PURA: variants seen among roughly 807,000 people sequenced by gnomAD.
PURA encodes the protein transcriptional activator protein Pur-alpha.
A neutral mutation model predicts 23.1 loss-of-function variants in PURA; 2 were observed. That is an observed-to-expected ratio of 0.09 (90% CI 0.04 to 0.27). PURA has a LOEUF of 0.27. Among genes scored for constraint, PURA ranks in the 10% least tolerant of loss-of-function variants. The pLI is 1.00. For synonymous variants in PURA, 254 were observed against 205.9 expected (o/e 1.23, Z -2.00); for missense variants, 187 against 449.7 (o/e 0.42, Z 5.28).
Position 140,114,615 on chromosome 5 carries a change from G to C in PURA, c.434G>C (p.Ser145Thr). 4 of 1,608,450 alleles carry C rather than the reference G, an allele frequency of 2.5e-6. No homozygotes were observed. The highest frequency in any genetic ancestry group is 3.4e-6 in the Non-Finnish European group (4 of 1,178,690). The change falls in exon 1 of 1, where the codon AGC (serine) becomes ACC (threonine). Residue 145 changes from serine to threonine, a missense_variant. Around this residue, in one of 9 missense-constraint regions of PURA, gnomAD observed 26 missense variants for 29.1 expected, o/e 0.89. Transcript: ENST00000331327. ...GACGAGCCGCGCCGGGCGCTCAAAA[G>C]CGAGTTCCTGGTGCGCGAGAACCGC... ...AQDEPRRALKSEFLVRENRKY... is the reference protein window; with the variant it reads ...AQDEPRRALKTEFLVRENRKY...
In PURA at chr5:140,114,485, C is replaced by A; in HGVS notation, c.304C>A (p.Leu102Ile). The A allele has an allele frequency of 6.2e-7, 1 of 1,612,638 alleles. No individual in the cohort carries two copies. The highest frequency in any genetic ancestry group is 8.5e-7 in the Non-Finnish European group (1 of 1,179,620). The change falls in exon 1 of 1, where the codon CTC (leucine) becomes ATC (isoleucine). Residue 102 changes from leucine to isoleucine, a missense_variant. This residue lies in a region of PURA where 24 missense variants were observed against 75.2 expected (regional missense o/e 0.32). Coordinates refer to ENST00000331327, the MANE Select transcript of PURA (RefSeq NM_005859.5). ...GAGGNKSRLTLSMSVAVEFRD... is the reference protein window; with the variant it reads ...GAGGNKSRLTISMSVAVEFRD... ...GGGCGGCAACAAGAGCCGCCTTACT[C>A]TCTCCATGTCAGTGGCCGTGGAGTT...
In PURA at chr5:140,124,580, G is replaced by A. The variant is rs1763186044; in HGVS notation, c.*9430G>A. ...TTTAACTTCCATTGTTCAGATTTTAGGTTTATCTAGTGAAATTGTGCCAGG... is the reference window on the plus strand; with the variant it reads ...TTTAACTTCCATTGTTCAGATTTTAAGTTTATCTAGTGAAATTGTGCCAGG... On this transcript the variant is annotated 3_prime_UTR_variant, in exon 1 of 1. Coordinates refer to ENST00000331327, the MANE Select transcript of PURA (RefSeq NM_005859.5). The A allele has an allele frequency of 6.0e-6, 1 of 166,884 alleles. No homozygotes were observed. The highest frequency in any genetic ancestry group is 1.5e-5 in the Non-Finnish European group (1 of 68,072). The allele number at this position is 166,884 out of a possible 1,614,324, so 10.3% of individuals were successfully genotyped here.
rs1254177011 is a variant in PURA, at chr5:140,120,199, GAGAT to G, written c.*5050_*5053del. On this transcript the variant is annotated 3_prime_UTR_variant, in exon 1 of 1. Coordinates refer to ENST00000331327, the MANE Select transcript of PURA (RefSeq NM_005859.5). ...TTTGAATATCTTCATAATTTGGAGA[GAGAT>G]GTATACACACACATACACATATATA... 2 of 166,710 alleles carry G rather than the reference GAGAT, an allele frequency of 1.2e-5. No homozygotes were observed. The highest frequency in any genetic ancestry group is 6.6e-5 in the Admixed American group (1 of 15,230). The allele number at this position is 166,710 out of a possible 1,614,324, so 10.3% of individuals were successfully genotyped here. A position where few individuals can be genotyped will look rare whatever the true frequency, so the allele number is the denominator to read the frequency against.
In PURA at chr5:140,114,339, G is replaced by T. The variant is rs1384821157; in HGVS notation, c.158G>T (p.Gly53Val). ...SGGGGGGAPG[G>V]LQHETQELAS... ...GGCGGCGGCGGCGGGGCCCCAGGGG[G>T]GCTGCAGCACGAGACGCAGGAGCTG... Residue 53 changes from glycine (G) to valine (V), a missense_variant, in exon 1 of 1, where the codon GGG becomes GTG. Around this residue, in one of 9 missense-constraint regions of PURA, gnomAD observed 27 missense variants for 55.2 expected, o/e 0.49. Transcript: ENST00000331327. 2 of 1,521,878 alleles carry T rather than the reference G, an allele frequency of 1.3e-6. No homozygotes were observed. The highest frequency in any genetic ancestry group is 8.8e-7 in the Non-Finnish European group (1 of 1,140,350). The allele number at this position is 1,521,878 out of a possible 1,614,324, so 94.3% of individuals were successfully genotyped here. A position where few individuals can be genotyped will look rare whatever the true frequency, so the allele number is the denominator to read the frequency against.
Position 140,114,313 on chromosome 5 carries a change from C to T in PURA, c.132C>T (p.Gly44=), listed in dbSNP as rs1247614641. The part of the protein sequence containing the change: ...GGGGGGGGGS[G]GGGGGAPGGL... ...GCGGCGGGGGCGGCGGCGGCAGTGG[C>T]GGCGGCGGCGGCGGGGCCCCAGGGG... is the stretch of plus-strand genomic sequence containing the variant. The change falls in exon 1 of 1, where the codon GGC becomes GGT. Residue 44 remains glycine (G), a synonymous_variant. Transcript: ENST00000331327. 8.6e-6 allele frequency: 10 copies of T among 1,165,610 alleles called. No homozygotes were observed. Among genetic ancestry groups the T allele is most frequent in the African/African-American group, 3.2e-5 (2 of 61,670 alleles). 72.2% of individuals were successfully genotyped at this position (1,165,610 alleles called of 1,614,324 possible).
In PURA at chr5:140,122,565, A is replaced by G. The variant is rs1289413792; in HGVS notation, c.*7415A>G. On this transcript the variant is annotated 3_prime_UTR_variant, in exon 1 of 1. Coordinates refer to ENST00000331327, the MANE Select transcript of PURA (RefSeq NM_005859.5). ...CCTTGTAGACCTTATGAGGCCCTCA[A>G]TAATACTGTATTTCTAAAATTAGAC... 6.0e-6 allele frequency: 1 copy of G among 166,856 alleles called. No homozygotes were observed. The highest frequency in any genetic ancestry group is 1.5e-5 in the Non-Finnish European group (1 of 67,964). 10.3% of individuals were successfully genotyped at this position (166,856 alleles called of 1,614,324 possible).
In PURA at chr5:140,125,509, A is replaced by C. The variant is rs1183225605; in HGVS notation, c.*10359A>C. The C allele has an allele frequency of 6.0e-6, 1 of 167,040 alleles. No homozygotes were observed. The highest frequency in any genetic ancestry group is 1.5e-5 in the Non-Finnish European group (1 of 68,120). 10.3% of individuals were successfully genotyped at this position (167,040 alleles called of 1,614,324 possible). A position where few individuals can be genotyped will look rare whatever the true frequency, so the allele number is the denominator to read the frequency against. Reference sequence around the variant, plus strand: ...ACAATTTCTAGCAGGGTAGAGTTTGATAAACCACAATGCTCAGGATGCCAA... The same window carrying C: ...ACAATTTCTAGCAGGGTAGAGTTTGCTAAACCACAATGCTCAGGATGCCAA... On this transcript the variant is annotated 3_prime_UTR_variant, in exon 1 of 1. Transcript: ENST00000331327.
In PURA at chr5:140,114,911, A is replaced by G; in HGVS notation, c.730A>G (p.Met244Val). The change falls in exon 1 of 1, where the codon ATG becomes GTG. Residue 244 changes from methionine to valine, a missense_variant. Met to Val is a conservative substitution (Grantham distance 21, BLOSUM62 1). Around this residue, in one of 9 missense-constraint regions of PURA, gnomAD observed 65 missense variants for 158.6 expected, o/e 0.41. Coordinates refer to ENST00000331327, the MANE Select transcript of PURA (RefSeq NM_005859.5). ...GGGCTCCAACAAGTACGGCGTGTTTATGCGAGTGAGCGAGGTGAAGCCCAC... is the reference window on the plus strand; with the variant it reads ...GGGCTCCAACAAGTACGGCGTGTTTGTGCGAGTGAGCGAGGTGAAGCCCAC... ...DVGSNKYGVF[M>V]RVSEVKPTYR... The G allele has an allele frequency of 6.2e-7, 1 of 1,614,252 alleles. No individual in the cohort carries two copies. Among genetic ancestry groups the G allele is most frequent in the South Asian group, 1.1e-5 (1 of 91,088 alleles).
Position 140,120,609 on chromosome 5 carries a change from C to T in PURA, c.*5459C>T, listed in dbSNP as rs1763142097. ...GGCCATTTGACACGTCCTTTTTGAACAGAAATTTCATTACAGGCTAAGTGA... is the reference window on the plus strand; with the variant it reads ...GGCCATTTGACACGTCCTTTTTGAATAGAAATTTCATTACAGGCTAAGTGA... On this transcript the variant is annotated 3_prime_UTR_variant, in exon 1 of 1. Coordinates refer to ENST00000331327, the MANE Select transcript of PURA (RefSeq NM_005859.5). The T allele has an allele frequency of 6.1e-6, 1 of 164,478 alleles. No individual in the cohort carries two copies. The highest frequency in any genetic ancestry group is 1.5e-5 in the Non-Finnish European group (1 of 67,912). The allele number at this position is 164,478 out of a possible 1,614,324, so 10.2% of individuals were successfully genotyped here.
chr5:140,114,469 C>A lies in PURA; in HGVS notation c.288C>A (p.Asn96Lys). Reference protein sequence around the residue: ...LKIAEVGAGGNKSRLTLSMSV... With the variant: ...LKIAEVGAGGKKSRLTLSMSV... ...TCGCCGAGGTGGGCGCGGGCGGCAA[C>A]AAGAGCCGCCTTACTCTCTCCATGT... Residue 96 changes from asparagine (N) to lysine (K), a missense_variant, in exon 1 of 1, where the codon AAC becomes AAA. Physicochemically the swap from Asn to Lys is moderately conservative, Grantham distance 94. Around this residue, in one of 9 missense-constraint regions of PURA, gnomAD observed 24 missense variants for 75.2 expected, o/e 0.32. Coordinates refer to ENST00000331327, the MANE Select transcript of PURA (RefSeq NM_005859.5). 6.2e-7 allele frequency: 1 copy of A among 1,612,698 alleles called. No individual in the cohort carries two copies. Among genetic ancestry groups the A allele is most frequent in the Non-Finnish European group, 8.5e-7 (1 of 1,179,682 alleles).
In PURA at chr5:140,117,147, T is replaced by G. The variant is rs1458764890; in HGVS notation, c.*1997T>G. 1 of 167,060 alleles carries G rather than the reference T, an allele frequency of 6.0e-6. No individual in the cohort carries two copies. Among genetic ancestry groups the G allele is most frequent in the African/African-American group, 2.4e-5 (1 of 41,458 alleles). The allele number at this position is 167,060 out of a possible 1,614,324, so 10.3% of individuals were successfully genotyped here. ...TTCATTGTACTGTGCATTTTCCCAT[T>G]AAATTGTTTGCTTTTAATATTCAAT... On this transcript the variant is annotated 3_prime_UTR_variant, in exon 1 of 1. Transcript: ENST00000331327.
chr5:140,119,196 T>C lies in PURA; in HGVS notation c.*4046T>C, dbSNP rs774667704. The C allele has an allele frequency of 6.0e-6, 1 of 166,890 alleles. No individual in the cohort carries two copies. Among genetic ancestry groups the C allele is most frequent in the Non-Finnish European group, 1.5e-5 (1 of 67,994 alleles). 10.3% of individuals were successfully genotyped at this position (166,890 alleles called of 1,614,324 possible). ...TAAAAATGGTGAATATTATTAATAT[T>C]GTATAATAGGAGTGGGAAGACTGCC... On this transcript the variant is annotated 3_prime_UTR_variant, in exon 1 of 1. Coordinates refer to ENST00000331327, the MANE Select transcript of PURA (RefSeq NM_005859.5).
chr5:140,119,186 T>C lies in PURA; in HGVS notation c.*4036T>C, dbSNP rs1048910198. ...CTACCTATTCTAAAAATGGTGAATA[T>C]TATTAATATTGTATAATAGGAGTGG... On this transcript the variant is annotated 3_prime_UTR_variant, in exon 1 of 1. Coordinates refer to ENST00000331327, the MANE Select transcript of PURA (RefSeq NM_005859.5). 2 of 166,912 alleles carry C rather than the reference T, an allele frequency of 1.2e-5. No individual in the cohort carries two copies. Among genetic ancestry groups the C allele is most frequent in the African/African-American group, 4.8e-5 (2 of 41,440 alleles). 10.3% of individuals were successfully genotyped at this position (166,912 alleles called of 1,614,324 possible).
chr5:140,125,600 G>T lies in PURA; in HGVS notation c.*10450G>T, dbSNP rs1763203594. ...TTTAGTTTTGTCTGTTGGGAAACAA[G>T]ATGTCACTAGGGAAAAAAAGATTTG... is the stretch of plus-strand genomic sequence containing the variant. On this transcript the variant is annotated 3_prime_UTR_variant, in exon 1 of 1. Transcript: ENST00000331327. 6.0e-6 allele frequency: 1 copy of T among 166,994 alleles called. No individual in the cohort carries two copies. Among genetic ancestry groups the T allele is most frequent in the Admixed American group, 6.6e-5 (1 of 15,262 alleles). 10.3% of individuals were successfully genotyped at this position (166,994 alleles called of 1,614,324 possible). A position where few individuals can be genotyped will look rare whatever the true frequency, so the allele number is the denominator to read the frequency against.
chr5:140,117,050 T>C lies in PURA; in HGVS notation c.*1900T>C, dbSNP rs1012253181. 3 of 167,008 alleles carry C rather than the reference T, an allele frequency of 1.8e-5. No individual in the cohort carries two copies. Among genetic ancestry groups the C allele is most frequent in the Non-Finnish European group, 1.5e-5 (1 of 68,108 alleles). 10.3% of individuals were successfully genotyped at this position (167,008 alleles called of 1,614,324 possible). A position where few individuals can be genotyped will look rare whatever the true frequency, so the allele number is the denominator to read the frequency against. On this transcript the variant is annotated 3_prime_UTR_variant, in exon 1 of 1. Coordinates refer to ENST00000331327, the MANE Select transcript of PURA (RefSeq NM_005859.5). Reference sequence around the variant, plus strand: ...GGTCCTTTGGGTTTTGATTTGATATTTTTATGCTCCCTGGTTGAGTGTGTT... The same window carrying C: ...GGTCCTTTGGGTTTTGATTTGATATCTTTATGCTCCCTGGTTGAGTGTGTT...
In PURA at chr5:140,115,240, G is replaced by A. The variant is rs1156796835; in HGVS notation, c.*90G>A. On this transcript the variant is annotated 3_prime_UTR_variant, in exon 1 of 1. Coordinates refer to ENST00000331327, the MANE Select transcript of PURA (RefSeq NM_005859.5). This position sits in a 1 kb window ranked among gnomAD's most constrained non-coding sequence, Gnocchi z 4.1. The stretch of plus-strand genomic sequence containing the variant: ...AGAAAATATACTGTAAAGAAAGAGA[G>A]AAAATAAAAAGTTAAAAAGTTAAAA... 1.3e-4 allele frequency: 91 copies of A among 683,440 alleles called. No homozygotes were observed. Among genetic ancestry groups the A allele is most frequent in the South Asian group, 1.3e-3 (24 of 18,156 alleles). The allele number at this position is 683,440 out of a possible 1,614,324, so 42.3% of individuals were successfully genotyped here.
In PURA at chr5:140,114,165, C is replaced by A; in HGVS notation, c.-17C>A. ...GGAGCGGCAGGCGGCGGCGGCGCGG[C>A]AGCGGAGCGCAGCATCATGGCGGAC... On this transcript the variant is annotated 5_prime_UTR_variant, in exon 1 of 1. Transcript: ENST00000331327. 1.5e-6 allele frequency: 1 copy of A among 657,994 alleles called. No homozygotes were observed. The highest frequency in any genetic ancestry group is 2.1e-6 in the Non-Finnish European group (1 of 477,614). 40.8% of individuals were successfully genotyped at this position (657,994 alleles called of 1,614,324 possible). A position where few individuals can be genotyped will look rare whatever the true frequency, so the allele number is the denominator to read the frequency against.
At position 140,114,622 on chromosome 5, in the gene PURA, C is replaced by T. The variant is rs761291130; in HGVS notation, c.441C>T (p.Phe147=). The change falls in exon 1 of 1, where the codon TTC becomes TTT. Residue 147 remains phenylalanine (F), a synonymous_variant. Transcript: ENST00000331327. ...DEPRRALKSE[F]LVRENRKYYM... ...CGCGCCGGGCGCTCAAAAGCGAGTT[C>T]CTGGTGCGCGAGAACCGCAAGTACT... 8.1e-6 allele frequency: 13 copies of T among 1,608,978 alleles called. No individual in the cohort carries two copies. Among genetic ancestry groups the T allele is most frequent in the Non-Finnish European group, 1.0e-5 (12 of 1,178,858 alleles).
At position 140,121,673 on chromosome 5, in the gene PURA, A is replaced by C. The variant is rs1763154807; in HGVS notation, c.*6523A>C. 6.0e-6 allele frequency: 1 copy of C among 166,926 alleles called. No homozygotes were observed. The highest frequency in any genetic ancestry group is 2.4e-5 in the African/African-American group (1 of 41,440). The allele number at this position is 166,926 out of a possible 1,614,324, so 10.3% of individuals were successfully genotyped here. A position where few individuals can be genotyped will look rare whatever the true frequency, so the allele number is the denominator to read the frequency against. On this transcript the variant is annotated 3_prime_UTR_variant, in exon 1 of 1. Transcript: ENST00000331327. ...CTAACTGATGATCCAGAACAATTTC[A>C]GTATTATGAGGTAACTGGGCAGTTT... is the stretch of plus-strand genomic sequence containing the variant.
Sources: gnomAD v4.1 joint callset for allele counts on GRCh38, gnomAD v4.1.1 for gene constraint, gnomAD v4.1.1 regional missense constraint, Gnocchi (gnomAD v3.1) non-coding constraint, MANE v1.5 for transcripts, NCBI Gene and HGNC (gene_info 2026-07-23, HGNC 2026-07-21) for gene names.